LRRC4B: variants seen among roughly 807,000 people sequenced by gnomAD.
LRRC4B encodes the protein leucine rich repeat containing 4B.
A neutral mutation model predicts 7.3 loss-of-function variants in LRRC4B; 1 was observed. The ratio of observed to expected loss-of-function variants is 0.14; its 90% CI spans 0.05 to 0.65. The LOEUF (loss-of-function observed/expected upper bound fraction) is 0.65. LRRC4B is among the 30% of genes least tolerant of loss of function. The probability of loss-of-function intolerance (pLI) is 0.84; values close to 1 mark genes in which losing one functional copy is unlikely to be tolerated. For synonymous variants in LRRC4B, 500 were observed against 499.2 expected (o/e 1.00, Z -0.02); for missense variants, 730 against 1,041.6 (o/e 0.70, Z 4.12).
At chr19:50,562,004 G>A (rs963226260) in intron 1 of LRRC4B, among the ~76,000 whole-genome samples, 1 of 126,490 alleles carries the variant, frequency 7.9e-6, no homozygotes, top group African/African-American at 2.5e-5. Flanking sequence ...TGTAGTCTCA[G>A]CTACTCAGGA....
rs1980328320 is a variant in LRRC4B, at chr19:50,517,580, C to T, written c.2133G>A (p.Thr711=). ...GCCCGGCCCCGCCGCCTCAGATCTG[C>T]GTCTCTTGCACGTTCTCCTTGGAGC... ...KSGSKENVQE[T]QI The change falls in exon 3 of 3, where the codon ACG becomes ACA. Residue 711 remains threonine, a synonymous_variant. Coordinates refer to ENST00000652263, the MANE Select transcript of LRRC4B (RefSeq NM_001080457.2). This position sits in a 1 kb window ranked among gnomAD's most constrained non-coding sequence, Gnocchi z 6.6. 1 of 1,438,190 alleles carries T rather than the reference C, an allele frequency of 7.0e-7. No individual in the cohort carries two copies. Among genetic ancestry groups the T allele is most frequent in the South Asian group, 1.5e-5 (1 of 65,480 alleles). The allele number at this position is 1,438,190 out of a possible 1,614,324, so 89.1% of individuals were successfully genotyped here. A position where few individuals can be genotyped will look rare whatever the true frequency, so the allele number is the denominator to read the frequency against.
At chr19:50,552,606 AT>A (rs1568733819) in intron 1 of LRRC4B, among the ~76,000 whole-genome samples, 45 of 138,236 alleles carry the variant, frequency 3.3e-4, no homozygotes, top group African/African-American at 1.2e-3. Context: ...CCATCCATCC[AT>A]CCATCCATCC....
chr19:50,519,133 G>A lies in LRRC4B; in HGVS notation c.580C>T (p.Arg194Trp). The A allele has an allele frequency of 3.1e-6, 5 of 1,612,588 alleles. No individual in the cohort carries two copies. Among genetic ancestry groups the A allele is most frequent in the South Asian group, 2.2e-5 (2 of 91,070 alleles). Residue 194 changes from arginine to tryptophan, a missense_variant, in exon 3 of 3, where the codon CGG becomes TGG. By Grantham distance (101) the Arg-to-Trp change is moderately radical (BLOSUM62 -3). Around this residue, in one of 6 missense-constraint regions of LRRC4B, gnomAD observed 226 missense variants for 448.0 expected, o/e 0.50. Coordinates refer to ENST00000652263, the MANE Select transcript of LRRC4B (RefSeq NM_001080457.2). This position sits in a 1 kb window ranked among gnomAD's most constrained non-coding sequence, Gnocchi z 8.1. Reference protein sequence around the residue: ...LRRLDLGELKRLEYISEAAFE... With the variant: ...LRRLDLGELKWLEYISEAAFE... ...GCCGCCTCCGAGATGTATTCCAGCC[G>A]CTTGAGCTCGCCCAGGTCCAGGCGC...
At chr19:50,527,351 T>A in intron 2 of LRRC4B, among the ~76,000 whole-genome samples, 1 of 23,514 alleles carries the variant, frequency 4.3e-5, no homozygotes, top group Non-Finnish European at 9.1e-5. Flanking sequence ...CTTTTTTCTT[T>A]TTTTTTTTTT....
rs1980300631 is a variant in LRRC4B at position 50,517,184 on chromosome 19, G to C, written c.*387C>G. ...AAACTGCAAAAACTGAACCGTAAAA[G>C]GAAGGTGTTTGGGGCCGAGGGGAAA... On this transcript the variant is annotated 3_prime_UTR_variant, in exon 3 of 3. Transcript: ENST00000652263. The surrounding 1 kb of genome is among the most constrained non-coding windows in gnomAD (Gnocchi z 6.6). 6.0e-6 allele frequency: 1 copy of C among 167,292 alleles called. No homozygotes were observed. The highest frequency in any genetic ancestry group is 6.4e-5 in the Admixed American group (1 of 15,682). The allele number at this position is 167,292 out of a possible 1,614,324, so 10.4% of individuals were successfully genotyped here.
chr19:50,548,193 GCCACAGGGGTC>G lies in LRRC4B; in HGVS notation c.297+338_297+348del, dbSNP rs1454935143. On this transcript the variant is annotated intron_variant, in intron 2 of 2. Transcript: ENST00000652263. The surrounding 1 kb of genome is among the most constrained non-coding windows in gnomAD (Gnocchi z 6.8). The stretch of plus-strand genomic sequence containing the variant: ...CACGAGAGGGTGTGGTGGTGCAGAT[GCCACAGGGGTC>G]CCTGTGAAAGGGTTGCTCTCCACAC... 6.6e-6 allele frequency among the ~76,000 whole-genome samples: 1 copy of G among 152,216 alleles called. No homozygotes were observed. Among genetic ancestry groups the G allele is most frequent in the Non-Finnish European group, 1.5e-5 (1 of 68,026 alleles).
At chr19:50,524,845 C>T (rs756125946) in intron 2 of LRRC4B, among the ~76,000 whole-genome samples, 25 of 152,170 alleles carry the variant, frequency 1.6e-4, no homozygotes, top group Non-Finnish European at 2.9e-4. Flanking sequence ...CCGATGCTGG[C>T]GGCTGCCCTG....
rs748565722 is a variant in LRRC4B at position 50,518,306 on chromosome 19, G to T, written c.1407C>A (p.Gly469=). The T allele has an allele frequency of 1.3e-6, 2 of 1,596,542 alleles. No homozygotes were observed. Among genetic ancestry groups the T allele is most frequent in the East Asian group, 2.2e-5 (1 of 44,610 alleles). ...CAACACCACCACTGCCCCCAGGGCC[G>T]CCCCCGCCGCTGCCGGTGCCCCCGG... ...VAAGGTGSGG[G]GPGGSGGVGG... The change falls in exon 3 of 3, where the codon GGC becomes GGA. Residue 469 remains glycine, a synonymous_variant. Transcript: ENST00000652263.
rs1276337308 is a variant in LRRC4B, at chr19:50,517,855, C to T, written c.1858G>A (p.Val620Met). ...GPTRTVEIIN[V>M]EDELPAASAV... ...GAGGCGGCGGGCAGCTCGTCCTCCA[C>T]GTTGATGATCTCCACGGTGCGCGTG... is the stretch of plus-strand genomic sequence containing the variant. Residue 620 changes from valine (V) to methionine (M), a missense_variant, in exon 3 of 3, where the codon GTG (valine) becomes ATG (methionine). By Grantham distance (21) the Val-to-Met change is conservative (BLOSUM62 1). Around this residue, in one of 6 missense-constraint regions of LRRC4B, gnomAD observed 160 missense variants for 163.9 expected, o/e 0.98. Transcript: ENST00000652263. This position sits in a 1 kb window ranked among gnomAD's most constrained non-coding sequence, Gnocchi z 6.6. 1 of 1,587,528 alleles carries T rather than the reference C, an allele frequency of 6.3e-7. No homozygotes were observed. The highest frequency in any genetic ancestry group is 8.5e-7 in the Non-Finnish European group (1 of 1,170,940).
At chr19:50,541,371 AAAAAAAAAAAAAAG>A (rs1448474046) in intron 2 of LRRC4B, among the ~76,000 whole-genome samples, 1 of 142,954 alleles carries the variant, frequency 7.0e-6, no homozygotes, top group Middle Eastern at 3.2e-3. Context: ...TCTATCTCAA[AAAAAAAAAAAAAAG>A]AAAAAGAAAA....
chr19:50,544,753 G>A (rs1291800436), intron 2 of LRRC4B, among the ~76,000 whole-genome samples: 1 of 151,776 alleles, frequency 6.6e-6, no homozygotes, highest in Non-Finnish European at 1.5e-5. Flanking sequence ...TCTGTAATAA[G>A]TAATTAAAAA....
intron 1 of LRRC4B, among the ~76,000 whole-genome samples, chr19:50,558,759 C>A (rs1459445714): frequency 6.6e-6 from 1 of 152,246 alleles, no homozygotes; most frequent in African/African-American, 2.4e-5. Context: ...TGGATCTAAC[C>A]ACTGATCCTG....
At chr19:50,539,335 C>T (rs534037050) in intron 2 of LRRC4B, among the ~76,000 whole-genome samples, 43 of 152,244 alleles carry the variant, frequency 2.8e-4, no homozygotes, top group African/African-American at 1.0e-3. Context: ...GCTTGCTGGG[C>T]GACCTTGGAT....
At chr19:50,567,111 T>C (rs973884281) in intron 1 of LRRC4B, among the ~76,000 whole-genome samples, 13 of 55,538 alleles carry the variant, frequency 2.3e-4, no homozygotes, top group East Asian at 5.9e-4. Context: ...GTCGGAAGCC[T>C]GGGGAGGAGG....
intron 2 of LRRC4B, among the ~76,000 whole-genome samples, chr19:50,535,018 G>GCA (rs1568723903): frequency 6.7e-6 from 1 of 148,836 alleles, no homozygotes; most frequent in Non-Finnish European, 1.5e-5. Context: ...ACAGGCGCCT[G>GCA]CCACCACACC....
intron 1 of LRRC4B, among the ~76,000 whole-genome samples, chr19:50,551,373 A>G (rs1014345370): frequency 7.6e-6 from 1 of 131,528 alleles, no homozygotes; most frequent in Admixed American, 7.5e-5. Context: ...CGCCCTTCCC[A>G]CCCCTGGGGG....
chr19:50,531,840 G>C lies in LRRC4B; in HGVS notation c.298-12425C>G, dbSNP rs76052275. Among the ~76,000 whole-genome samples, 9 of 152,160 alleles carry C rather than the reference G, an allele frequency of 5.9e-5. No homozygotes were observed. In the East Asian group the frequency reaches 7.7e-4, roughly 13 times the overall value. On this transcript the variant is annotated intron_variant, in intron 2 of 2. Transcript: ENST00000652263. ...GTGATGCTTGGACAAGACAGTGAGC[G>C]CTTGGGATGAGACAATGAATGTGTG...
At chr19:50,552,645 C>CGTCCATCCATCT (rs1279400220) in intron 1 of LRRC4B, among the ~76,000 whole-genome samples, 2 of 101,094 alleles carry the variant, frequency 2.0e-5, no homozygotes, top group African/African-American at 3.9e-5. Context: ...TCCGCCCATC[C>CGTCCATCCATCT]GTCCATCCAT....
In LRRC4B at chr19:50,517,558, C is replaced by A. The variant is rs946831941; in HGVS notation, c.*13G>T. 11 of 1,418,970 alleles carry A rather than the reference C, an allele frequency of 7.8e-6. No individual in the cohort carries two copies. The highest frequency in any genetic ancestry group is 1.5e-5 in the African/African-American group (1 of 66,910). 87.9% of individuals were successfully genotyped at this position (1,418,970 alleles called of 1,614,324 possible). On this transcript the variant is annotated 3_prime_UTR_variant, in exon 3 of 3. Coordinates refer to ENST00000652263, the MANE Select transcript of LRRC4B (RefSeq NM_001080457.2). The surrounding 1 kb of genome is among the most constrained non-coding windows in gnomAD (Gnocchi z 6.6). ...GGGGGCTCCACGCCCCTCGCCCGCC[C>A]GGCCCCGCCGCCTCAGATCTGCGTC...
Sources: gnomAD v4.1 joint callset for allele counts (sites outside exome capture counted in the v4.1 genomes callset) on GRCh38, gnomAD v4.1.1 for gene constraint, gnomAD v4.1.1 regional missense constraint, Gnocchi (gnomAD v3.1) non-coding constraint, MANE v1.5 for transcripts, NCBI Gene and HGNC (gene_info 2026-07-23, HGNC 2026-07-21) for gene names.